AK5: variants seen among roughly 807,000 people sequenced by gnomAD.
The protein encoded by AK5 is adenylate kinase 5, also known as adenylate kinase isoenzyme 5.
AK5 carries 27 observed loss-of-function variants against 69.5 expected under a neutral mutation model. The ratio of observed to expected loss-of-function variants is 0.39; its 90% CI spans 0.29 to 0.54. The LOEUF (loss-of-function observed/expected upper bound fraction) is 0.54, where lower values mean the gene tolerates loss of function less well. AK5 is among the 20% of genes least tolerant of loss of function. The pLI is 0.71. For missense variants in AK5, 531 were observed against 700.4 expected, an observed-to-expected ratio of 0.76 and a Z score of 2.73; for synonymous variants, 260 against 244.4, an observed-to-expected ratio of 1.06 and a Z score of -0.60.
chr1:77,329,347 TATA>T (rs1660972174), intron 5 of AK5, among the ~76,000 whole-genome samples: 1 of 152,146 alleles, frequency 6.6e-6, no homozygotes, highest in South Asian at 2.1e-4. Flanking sequence ...GAAAGTTTCT[TATA>T]ATATAAAGAA....
intron 5 of AK5, among the ~76,000 whole-genome samples, chr1:77,323,688 TAACTC>T (rs1404470455): frequency 6.6e-6 from 1 of 152,312 alleles, no homozygotes. Flanking sequence ...TTTTGGAAAT[TAACTC>T]AAATATATTC....
chr1:77,557,335 T>C (rs1660156128), intron 13 of AK5: 1 of 210,082 alleles, frequency 4.8e-6, no homozygotes, highest in African/African-American at 2.3e-5. Context: ...TAAGAGGTAA[T>C]GCCTCATAAC....
At chr1:77,336,448 A>G (rs796595477) in intron 5 of AK5, among the ~76,000 whole-genome samples, 3 of 152,262 alleles carry the variant, frequency 2.0e-5, no homozygotes, top group African/African-American at 7.2e-5. Context: ...CAACTAATAA[A>G]AACTCTATGC....
chr1:77,420,367 G>A (rs1393999253), intron 8 of AK5: 1 of 152,096 alleles, frequency 6.6e-6, no homozygotes, highest in Non-Finnish European at 1.5e-5. Flanking sequence ...AGGCTTTCTA[G>A]TTTTTGCTGG....
chr1:77,302,399 C>T (rs1570342430), intron 5 of AK5, among the ~76,000 whole-genome samples: 2 of 151,962 alleles, frequency 1.3e-5, no homozygotes, highest in Non-Finnish European at 1.5e-5. Flanking sequence ...TTTATCTTCC[C>T]GTTTTTCCTT....
chr1:77,446,349 A>G (rs886224295), intron 8 of AK5, among the ~76,000 whole-genome samples: 1 of 152,210 alleles, frequency 6.6e-6, no homozygotes, highest in African/African-American at 2.4e-5. Flanking sequence ...TATAATTTCA[A>G]ATCAGGAAGT....
chr1:77,375,990 TG>T (rs1319869844), intron 6 of AK5, among the ~76,000 whole-genome samples: 1 of 152,242 alleles, frequency 6.6e-6, no homozygotes, highest in Non-Finnish European at 1.5e-5. Context: ...ACAAATGTAT[TG>T]TAAACTATCA....
At chr1:77,335,768 A>G (rs1437625360) in intron 5 of AK5, among the ~76,000 whole-genome samples, 1 of 152,072 alleles carries the variant, frequency 6.6e-6, no homozygotes, top group Admixed American at 6.6e-5. Context: ...TTTGTATTTT[A>G]ATCTTTTTTA....
At chr1:77,409,471 C>T (rs1301907125) in intron 6 of AK5, among the ~76,000 whole-genome samples, 1 of 152,068 alleles carries the variant, frequency 6.6e-6, no homozygotes, top group Non-Finnish European at 1.5e-5. Context: ...CTTTGATTTG[C>T]ATTTCTCTAA....
intron 10 of AK5, among the ~76,000 whole-genome samples, chr1:77,494,173 A>G (rs942312191): frequency 4.6e-5 from 7 of 152,204 alleles, no homozygotes; most frequent in Non-Finnish European, 7.3e-5. Flanking sequence ...GTCCCTACCC[A>G]TTGGTTGAAA....
rs1415757319 is a variant in AK5 at position 77,558,764 on chromosome 1, C to T, written c.*94C>T. 2.5e-5 allele frequency: 22 copies of T among 873,394 alleles called. No individual in the cohort carries two copies. Among genetic ancestry groups the T allele is most frequent in the Middle Eastern group, 2.2e-4 (1 of 4,556 alleles). The allele number at this position is 873,394 out of a possible 1,614,324, so 54.1% of individuals were successfully genotyped here. A position where few individuals can be genotyped will look rare whatever the true frequency, so the allele number is the denominator to read the frequency against. On this transcript the variant is annotated 3_prime_UTR_variant, in exon 14 of 14. Coordinates refer to ENST00000354567, the MANE Select transcript of AK5 (RefSeq NM_174858.3). The stretch of plus-strand genomic sequence containing the variant: ...TTTCAAGTTAAACCTTTTGTGTCAC[C>T]GCCCCCACCAACCACCACCTCCTAA...
intron 5 of AK5, among the ~76,000 whole-genome samples, chr1:77,300,454 C>T (rs1437635379): frequency 1.3e-5 from 2 of 152,128 alleles, no homozygotes; most frequent in African/African-American, 4.8e-5. Context: ...GCTCATCCTG[C>T]GGGAGTTAAG....
At chr1:77,444,249 A>C (rs1482709996) in intron 8 of AK5, among the ~76,000 whole-genome samples, 9 of 24,694 alleles carry the variant, frequency 3.6e-4, no homozygotes, top group Admixed American at 2.7e-3. Flanking sequence ...ATATATACAC[A>C]ACATATGTGT....
At chr1:77,431,503 G>A (rs575073668) in intron 8 of AK5, among the ~76,000 whole-genome samples, 1 of 152,254 alleles carries the variant, frequency 6.6e-6, no homozygotes, top group East Asian at 1.9e-4. Flanking sequence ...CATTGGCAGA[G>A]TATAAGTGGT....
intron 8 of AK5, among the ~76,000 whole-genome samples, chr1:77,458,838 AC>A (rs146549876): frequency 6.6e-6 from 1 of 152,354 alleles, no homozygotes; most frequent in Non-Finnish European, 1.5e-5. Context: ...GGGGATTAAT[AC>A]ATGAACTTCT....
intron 5 of AK5, among the ~76,000 whole-genome samples, chr1:77,312,347 G>A (rs1660006116): frequency 6.6e-6 from 1 of 152,140 alleles, no homozygotes; most frequent in African/African-American, 2.4e-5. Context: ...GGACATGGTG[G>A]CTCATGCCTG....
At chr1:77,506,859 C>A (rs980761391) in intron 10 of AK5, among the ~76,000 whole-genome samples, 1 of 151,960 alleles carries the variant, frequency 6.6e-6, no homozygotes, top group Non-Finnish European at 1.5e-5. Context: ...ATTAGTTGGG[C>A]GTGGTGGCAC....
chr1:77,559,321 T>TTCTC lies in AK5; in HGVS notation c.*653_*656dup, dbSNP rs1257179905. ...AAACCCAGGTTAGTCATCAGTAACC[T>TTCTC]TCTCTATTATTATTATTTTTTAGAA... On this transcript the variant is annotated 3_prime_UTR_variant, in exon 14 of 14. Coordinates refer to ENST00000354567, the MANE Select transcript of AK5 (RefSeq NM_174858.3). 1 of 151,814 alleles carries TTCTC rather than the reference T, an allele frequency of 6.6e-6. No homozygotes were observed. Among genetic ancestry groups the TTCTC allele is most frequent in the South Asian group, 2.1e-4 (1 of 4,814 alleles). The allele number at this position is 151,814 out of a possible 1,614,324, so 9.4% of individuals were successfully genotyped here. A position where few individuals can be genotyped will look rare whatever the true frequency, so the allele number is the denominator to read the frequency against.
At chr1:77,461,537 C>G (rs1389280911) in intron 8 of AK5, among the ~76,000 whole-genome samples, 1 of 151,366 alleles carries the variant, frequency 6.6e-6, no homozygotes, top group Non-Finnish European at 1.5e-5. Context: ...TTTGGGAGGC[C>G]TAGGTGGGCA....
Sources: gnomAD v4.1 joint callset for allele counts (sites outside exome capture counted in the v4.1 genomes callset) on GRCh38, gnomAD v4.1.1 for gene constraint, MANE v1.5 for transcripts, NCBI Gene and HGNC (gene_info 2026-07-23, HGNC 2026-07-21) for gene names.